The following DCUN1D5 variants were observed in gnomAD, a reference collection of about 807,000 sequenced individuals.
DCUN1D5 encodes the protein defective in cullin neddylation 1 domain containing 5, also known as DCN1-like protein 5.
A neutral mutation model predicts 38.3 loss-of-function variants in DCUN1D5; 10 were observed. The observed-to-expected ratio is 0.26, with a 90% CI of 0.16 to 0.44. The LOEUF is 0.44. Ranked by LOEUF, DCUN1D5 falls within the 20% of genes least tolerant of loss-of-function variation. The probability of loss-of-function intolerance (pLI) is 1.00; values close to 1 mark genes in which losing one functional copy is unlikely to be tolerated. For synonymous variants in DCUN1D5, 93 were observed against 90.9 expected, an observed-to-expected ratio of 1.02 and a Z score of -0.13; for missense variants, 148 against 275.3, an observed-to-expected ratio of 0.54 and a Z score of 3.27.
At position 103,083,367 on chromosome 11, in the gene DCUN1D5, C is replaced by T; in HGVS notation, c.179-41G>A. 1 of 1,091,972 alleles carries T rather than the reference C, an allele frequency of 9.2e-7. No homozygotes were observed. The highest frequency in any genetic ancestry group is 1.4e-6 in the Non-Finnish European group (1 of 714,848). The allele number at this position is 1,091,972 out of a possible 1,614,324, so 67.6% of individuals were successfully genotyped here. On this transcript the variant is annotated intron_variant, in intron 2 of 7. Transcript: ENST00000260247. This position sits in a 1 kb window ranked among gnomAD's most constrained non-coding sequence, Gnocchi z 4.4. ...TAATTAACATATTTTGTTATAATAT[C>T]AACATAAAACATAAATCGTCATGCT...
intron 4 of DCUN1D5, among the ~76,000 whole-genome samples, chr11:103,070,293 A>C (rs1862240766): frequency 6.6e-6 from 1 of 152,150 alleles, no homozygotes. Context: ...TGACCCAAAC[A>C]TATGCTGTCT....
At position 103,050,888 on chromosome 11, in the gene DCUN1D5, A is replaced by C. The variant is rs1591191003; in HGVS notation, c.*11471T>G. On this transcript the variant is annotated 3_prime_UTR_variant, in exon 8 of 8. Transcript: ENST00000260247. ...ATGGTGTTATCAGCACTCTAATAAA[A>C]GTATATACAAGGTTAGTAGTGTCTC... 1 of 152,358 alleles carries C rather than the reference A, an allele frequency of 6.6e-6. No individual in the cohort carries two copies. Among genetic ancestry groups the C allele is most frequent in the East Asian group, 1.9e-4 (1 of 5,182 alleles). 9.4% of individuals were successfully genotyped at this position (152,358 alleles called of 1,614,324 possible).
intron 2 of DCUN1D5, among the ~76,000 whole-genome samples, chr11:103,085,876 A>G (rs750127905): frequency 6.6e-6 from 1 of 152,220 alleles, no homozygotes; most frequent in Non-Finnish European, 1.5e-5. Context: ...GGACTATGCA[A>G]TTCCAACCTT....
At position 103,083,332 on chromosome 11, in the gene DCUN1D5, A is replaced by G; in HGVS notation, c.179-6T>C. 6.5e-7 allele frequency: 1 copy of G among 1,548,810 alleles called. No individual in the cohort carries two copies. Among genetic ancestry groups the G allele is most frequent in the Non-Finnish European group, 8.9e-7 (1 of 1,122,140 alleles). ...CCCTACAACTTCATCAGGACCTTCA[A>G]AGACAAAAATAATTAACATATTTTG... On this transcript the variant is annotated splice_polypyrimidine_tract_variant and splice_region_variant and intron_variant, in intron 2 of 7. Transcript: ENST00000260247. This position sits in a 1 kb window ranked among gnomAD's most constrained non-coding sequence, Gnocchi z 4.4.
rs1040694192 is a variant in DCUN1D5, at chr11:103,062,106, C to A, written c.*253G>T. On this transcript the variant is annotated 3_prime_UTR_variant, in exon 8 of 8. Transcript: ENST00000260247. The surrounding 1 kb of genome is among the most constrained non-coding windows in gnomAD (Gnocchi z 4.6). ...TAAGGCCTTTGTCACAAATCTGAAT[C>A]TTTATTGTTCTGAAATAAATGTTAT... 5.2e-6 allele frequency: 2 copies of A among 388,202 alleles called. No homozygotes were observed. The highest frequency in any genetic ancestry group is 9.1e-6 in the Non-Finnish European group (2 of 218,926). The allele number at this position is 388,202 out of a possible 1,614,324, so 24.0% of individuals were successfully genotyped here.
Position 103,087,214 on chromosome 11 carries a change from A to G in DCUN1D5, c.178+2013T>C, listed in dbSNP as rs1862734959. Among the ~76,000 whole-genome samples, 1 of 146,308 alleles carries G rather than the reference A, an allele frequency of 6.8e-6. No homozygotes were observed. The highest frequency in any genetic ancestry group is 2.0e-4 in the East Asian group (1 of 4,956). ...GAGGCAGAGTCTCACTCTGTCACCC[A>G]GGCTGGAGTGCAGTGGTGTTATCTC... On this transcript the variant is annotated intron_variant, in intron 2 of 7. Coordinates refer to ENST00000260247, the MANE Select transcript of DCUN1D5 (RefSeq NM_032299.4). The surrounding 1 kb of genome is among the most constrained non-coding windows in gnomAD (Gnocchi z 4.1).
intron 4 of DCUN1D5, among the ~76,000 whole-genome samples, chr11:103,070,379 TAAAAG>T (rs761226098): frequency 8.1e-4 from 124 of 152,190 alleles, no homozygotes; most frequent in Non-Finnish European, 1.3e-3. Flanking sequence ...ACAGAAATAT[TAAAAG>T]AAAGCAGGAA....
Position 103,056,492 on chromosome 11 carries a change from T to C in DCUN1D5, c.*5867A>G, listed in dbSNP as rs1162342186. ...GCTCAATGTCACATATCAGTGTACATGCTACTTAATAGTAATCCTATCCTC... is the reference window on the plus strand; with the variant it reads ...GCTCAATGTCACATATCAGTGTACACGCTACTTAATAGTAATCCTATCCTC... On this transcript the variant is annotated 3_prime_UTR_variant, in exon 8 of 8. Coordinates refer to ENST00000260247, the MANE Select transcript of DCUN1D5 (RefSeq NM_032299.4). This position sits in a 1 kb window ranked among gnomAD's most constrained non-coding sequence, Gnocchi z 4.9. Among the ~76,000 whole-genome samples, 2 of 152,202 alleles carry C rather than the reference T, an allele frequency of 1.3e-5. No homozygotes were observed. Among genetic ancestry groups the C allele is most frequent in the African/African-American group, 4.8e-5 (2 of 41,450 alleles).
chr11:103,075,626 C>T (rs773546256), intron 4 of DCUN1D5, among the ~76,000 whole-genome samples: 68 of 152,130 alleles, frequency 4.5e-4, no homozygotes, highest in Admixed American at 2.6e-3. Flanking sequence ...ATGATCTGCC[C>T]GCCTCAAACC....
chr11:103,080,110 T>C (rs911305800), intron 4 of DCUN1D5: 2 of 152,222 alleles, frequency 1.3e-5, no homozygotes, highest in African/African-American at 4.8e-5. Context: ...TTTAACACAG[T>C]GTATGTTTTA....
intron 4 of DCUN1D5, among the ~76,000 whole-genome samples, chr11:103,082,283 C>T (rs566203468): frequency 6.6e-6 from 1 of 152,172 alleles, no homozygotes; most frequent in East Asian, 1.9e-4. Context: ...TTATGAAATT[C>T]ACTTGGCAAT....
rs1234713475 is a variant in DCUN1D5 at position 103,050,745 on chromosome 11, T to C, written c.*11614A>G. 1 of 152,238 alleles carries C rather than the reference T, an allele frequency of 6.6e-6. No homozygotes were observed. Among genetic ancestry groups the C allele is most frequent in the African/African-American group, 2.4e-5 (1 of 41,464 alleles). 9.4% of individuals were successfully genotyped at this position (152,238 alleles called of 1,614,324 possible). On this transcript the variant is annotated 3_prime_UTR_variant, in exon 8 of 8. Coordinates refer to ENST00000260247, the MANE Select transcript of DCUN1D5 (RefSeq NM_032299.4). ...ATTTTCATTTATTCCATTTATTGAG[T>C]GCTTTTCTATACTGTGGATAGTTCT...
rs1322838791 is a variant in DCUN1D5, at chr11:103,086,057, G to C, written c.179-2731C>G. On this transcript the variant is annotated intron_variant, in intron 2 of 7. Coordinates refer to ENST00000260247, the MANE Select transcript of DCUN1D5 (RefSeq NM_032299.4). The surrounding 1 kb of genome is among the most constrained non-coding windows in gnomAD (Gnocchi z 4.1). ...ACATAATACCATAGTAACAAGTTTA[G>C]TGATATTTTCAAAACTAAAAGAAAA... Among the ~76,000 whole-genome samples, 1 of 152,040 alleles carries C rather than the reference G, an allele frequency of 6.6e-6. No homozygotes were observed. Among genetic ancestry groups the C allele is most frequent in the African/African-American group, 2.4e-5 (1 of 41,380 alleles).
Position 103,092,130 on chromosome 11 carries a change from C to CGCG in DCUN1D5, c.-259_-258insCGC. On this transcript the variant is annotated 5_prime_UTR_variant, in exon 1 of 8. Coordinates refer to ENST00000260247, the MANE Select transcript of DCUN1D5 (RefSeq NM_032299.4). ...TCTCACCGGGAGGAGATAACGCGGA[C>CGCG]AGCGCGGCAGCTCCACCAGTCACAG... 2.3e-6 allele frequency: 1 copy of CGCG among 442,678 alleles called. No individual in the cohort carries two copies. The allele number at this position is 442,678 out of a possible 1,614,324, so 27.4% of individuals were successfully genotyped here.
chr11:103,089,076 T>G (rs1862786097), intron 2 of DCUN1D5, 151 bp downstream of exon 2: 1 of 583,942 alleles, frequency 1.7e-6, no homozygotes, highest in Non-Finnish European at 2.6e-6. Context: ...GCAACAAATT[T>G]TTAGTCTACC....
chr11:103,089,562 G>C (rs1481485793), intron 1 of DCUN1D5, among the ~76,000 whole-genome samples: 1 of 152,082 alleles, frequency 6.6e-6, no homozygotes, highest in East Asian at 1.9e-4. Flanking sequence ...AAAAATATCA[G>C]TAAGTTATTT....
At chr11:103,070,838 G>C (rs1199038930) in intron 4 of DCUN1D5, among the ~76,000 whole-genome samples, 1 of 151,968 alleles carries the variant, frequency 6.6e-6, no homozygotes, top group Non-Finnish European at 1.5e-5. Context: ...CCCCTTAACA[G>C]AGTAAAAATA....
At chr11:103,070,992 G>A (rs768429747) in intron 4 of DCUN1D5, among the ~76,000 whole-genome samples, 6 of 151,722 alleles carry the variant, frequency 4.0e-5, no homozygotes, top group Non-Finnish European at 8.8e-5. Flanking sequence ...AAGTCTCAAG[G>A]GAAAACAGAA....
chr11:103,075,468 G>A (rs898905157), intron 4 of DCUN1D5, among the ~76,000 whole-genome samples: 4 of 151,920 alleles, frequency 2.6e-5, no homozygotes, highest in African/African-American at 4.8e-5. Flanking sequence ...TGCAACCTAC[G>A]CCTCCGGGGT....
Sources: allele counts gnomAD v4.1 joint callset (sites outside exome capture counted in the v4.1 genomes callset), GRCh38; gene constraint gnomAD v4.1.1; non-coding constraint Gnocchi (gnomAD v3.1); transcripts MANE v1.5; gene names NCBI Gene and HGNC (gene_info 2026-07-23, HGNC 2026-07-21).